WIPI1: variants seen among roughly 807,000 people sequenced by gnomAD.
The protein encoded by WIPI1 is WD repeat domain, phosphoinositide interacting 1, also known as WD repeat domain phosphoinositide-interacting protein 1.
Under a neutral mutation model 55.3 loss-of-function variants are expected in WIPI1, and 45 were observed. That is an observed-to-expected ratio of 0.81 (90% CI 0.64 to 1.04). The LOEUF is 1.04. Ranked by LOEUF, WIPI1 falls within the 50% of genes least tolerant of loss-of-function variation. The probability of loss-of-function intolerance (pLI) is 0.00; values close to 1 mark genes in which losing one functional copy is unlikely to be tolerated. For missense variants in WIPI1, 445 were observed against 559.0 expected (o/e 0.80, Z 2.06); for synonymous variants, 195 against 217.6 (o/e 0.90, Z 0.92).
chr17:68,421,843 G>A, intron 12 of WIPI1, 23 bp from the exon 13 acceptor site: 3 of 1,614,076 alleles, frequency 1.9e-6, no homozygotes, highest in East Asian at 4.5e-5. Flanking sequence ...AAACAGAATG[G>A]CCTTACTCTT....
Position 68,450,612 on chromosome 17 carries a change from C to T in WIPI1, c.333+116G>A, listed in dbSNP as rs985347931. On this transcript the variant is annotated intron_variant, in intron 3 of 12. Coordinates refer to ENST00000262139, the MANE Select transcript of WIPI1 (RefSeq NM_017983.7). ...CCGGGACACGGGGCCTGAGTGTTAA[C>T]ATTCTCATTAGAATTGGAAGCTTGT... 8 of 1,363,608 alleles carry T rather than the reference C, an allele frequency of 5.9e-6. No individual in the cohort carries two copies. In the African/African-American group the frequency reaches 5.9e-5, roughly 10 times the overall value. 84.5% of individuals were successfully genotyped at this position (1,363,608 alleles called of 1,614,324 possible).
intron 3 of WIPI1, among the ~76,000 whole-genome samples, chr17:68,446,656 G>A (rs959059635): frequency 6.6e-6 from 1 of 152,188 alleles, no homozygotes; most frequent in Admixed American, 6.5e-5. Flanking sequence ...TTAGAACTAC[G>A]TGGTTCTATG....
intron 4 of WIPI1, among the ~76,000 whole-genome samples, chr17:68,441,247 T>C (rs2084063673): frequency 6.6e-6 from 1 of 152,138 alleles, no homozygotes; most frequent in Non-Finnish European, 1.5e-5. Flanking sequence ...CAGCCTGCAA[T>C]CTCTGACACA....
chr17:68,428,593 G>C (rs2083359802), intron 10 of WIPI1: 1 of 454,772 alleles, frequency 2.2e-6, no homozygotes, highest in South Asian at 2.2e-5. Flanking sequence ...CATAGGCTGA[G>C]GGGGAGACCA....
intron 4 of WIPI1, chr17:68,440,737 A>C (rs1713277972): frequency 6.6e-6 from 1 of 152,214 alleles, no homozygotes; most frequent in South Asian, 2.1e-4. Context: ...TCAAGAACCA[A>C]TGGCATCATC....
chr17:68,421,918 G>A (rs2082806604), intron 12 of WIPI1, 98 bp from the exon 13 acceptor site: 27 of 1,498,964 alleles, frequency 1.8e-5, no homozygotes, highest in Non-Finnish European at 2.5e-5. Context: ...AGTGAGCAGG[G>A]AGAGGCTGGG....
intron 4 of WIPI1, among the ~76,000 whole-genome samples, chr17:68,436,713 C>G (rs2083809225): frequency 6.6e-6 from 1 of 152,134 alleles, no homozygotes. Flanking sequence ...TACAGTGAAA[C>G]AATGAGACTT....
rs191306252 is a variant in WIPI1 at position 68,430,114 on chromosome 17, A to G, written c.847T>C (p.Phe283Leu). The G allele has an allele frequency of 8.2e-5, 132 of 1,613,898 alleles. No individual in the cohort carries two copies. The highest frequency in any genetic ancestry group is 1.6e-4 in the Middle Eastern group (1 of 6,080). Residue 283 changes from phenylalanine to leucine, a missense_variant, in exon 9 of 13, where the codon TTT (phenylalanine) becomes CTT (leucine). Coordinates refer to ENST00000262139, the MANE Select transcript of WIPI1 (RefSeq NM_017983.7). ...GGGAGGTAGTTGGTAGCAGCCATAA[A>G]CATCTTTCCCATGTAGCCACTCCAG... ...STWSGYMGKM[F>L]MAATNYLPTQ...
chr17:68,454,469 A>G (rs1186960288), intron 1 of WIPI1, among the ~76,000 whole-genome samples: 1 of 152,180 alleles, frequency 6.6e-6, no homozygotes, highest in Non-Finnish European at 1.5e-5. Context: ...GGATAGGGCA[A>G]CTACAGTAAA....
At chr17:68,426,254 G>GGCCCCC in intron 11 of WIPI1, 79 bp from the exon 12 acceptor site, 3 of 816,908 alleles carry the variant, frequency 3.7e-6, no homozygotes, top group East Asian at 3.5e-5. Context: ...GGGAGCGGGG[G>GGCCCCC]CTCAAATAAA....
At position 68,423,466 on chromosome 17, in the gene WIPI1, G is replaced by A. The variant is rs1256375534; in HGVS notation, c.1294-1646C>T. 2.6e-5 allele frequency among the ~76,000 whole-genome samples: 4 copies of A among 152,176 alleles called. No homozygotes were observed. Among genetic ancestry groups the A allele is most frequent in the African/African-American group, 9.7e-5 (4 of 41,446 alleles). On this transcript the variant is annotated intron_variant, in intron 12 of 12. Transcript: ENST00000262139. This position sits in a 1 kb window ranked among gnomAD's most constrained non-coding sequence, Gnocchi z 4.4. ...AGACTGAGAGGTTGGTGGCTGCCAC[G>A]ACACAGCCCTGCACACAGGGGCTGC...
chr17:68,457,024 T>C (rs1409719059), intron 1 of WIPI1, among the ~76,000 whole-genome samples: 3 of 152,216 alleles, frequency 2.0e-5, no homozygotes, highest in East Asian at 3.8e-4. Context: ...CTTTGGTCAC[T>C]GGCTTTCCCA....
At chr17:68,435,572 A>C in intron 6 of WIPI1, 48 bp downstream of exon 6, 2 of 1,577,182 alleles carry the variant, frequency 1.3e-6, no homozygotes, top group Non-Finnish European at 1.7e-6. Flanking sequence ...GCACGGCAGG[A>C]GCCATCCAGC....
intron 12 of WIPI1, chr17:68,422,257 C>T (rs567866477): frequency 5.0e-4 from 81 of 163,050 alleles, no homozygotes; most frequent in Non-Finnish European, 8.2e-4. Context: ...GAAACCCCAT[C>T]GCTACTAAAA....
At position 68,428,917 on chromosome 17, in the gene WIPI1, G is replaced by T; in HGVS notation, c.985C>A (p.Leu329Met). The part of the protein sequence containing the change: ...TLSTIQKLPR[L>M]LVASSSGHLY... ...TGTCCACTGGATGACGCAACTAGCA[G>T]CCGTGGCAACTTCTGGATCCTAAGG... is the stretch of plus-strand genomic sequence containing the variant. Residue 329 changes from leucine (L) to methionine (M), a missense_variant, in exon 10 of 13, where the codon CTG becomes ATG. Coordinates refer to ENST00000262139, the MANE Select transcript of WIPI1 (RefSeq NM_017983.7). 11 of 1,613,992 alleles carry T rather than the reference G, an allele frequency of 6.8e-6. No individual in the cohort carries two copies. The highest frequency in any genetic ancestry group is 9.3e-6 in the Non-Finnish European group (11 of 1,179,948).
intron 4 of WIPI1, among the ~76,000 whole-genome samples, chr17:68,443,617 G>A (rs1244874431): frequency 6.6e-6 from 1 of 152,182 alleles, no homozygotes; most frequent in Non-Finnish European, 1.5e-5. Flanking sequence ...ATTCATAAGG[G>A]AACCAAGGTT....
At position 68,426,994 on chromosome 17, in the gene WIPI1, A is replaced by AGGG. The variant is rs2083237213; in HGVS notation, c.1192+140_1192+141insCCC. 1.8e-5 allele frequency: 12 copies of AGGG among 684,872 alleles called. No individual in the cohort carries two copies. The South Asian group carries it at 2.2e-4, about 12-fold the overall frequency. 42.4% of individuals were successfully genotyped at this position (684,872 alleles called of 1,614,324 possible). Reference sequence around the variant, plus strand: ...AATTCAAGGAGAGCACTCCACCCCCAGGTAACAGTGAAGGGGGAAGGGGAG... The same window carrying AGGG: ...AATTCAAGGAGAGCACTCCACCCCCAGGGGGTAACAGTGAAGGGGGAAGGGGAG... On this transcript the variant is annotated intron_variant, in intron 11 of 12. Coordinates refer to ENST00000262139, the MANE Select transcript of WIPI1 (RefSeq NM_017983.7).
intron 10 of WIPI1, chr17:68,428,514 T>C: frequency 4.3e-6 from 1 of 235,102 alleles, no homozygotes; most frequent in South Asian, 6.0e-5. Context: ...ATTACAGGTG[T>C]GAGCCGCCAC....
intron 3 of WIPI1, 66 bp downstream of exon 3, chr17:68,450,662 T>C (rs2302782): frequency 0.28 from 434,589 of 1,525,504 alleles, 64,183 homozygotes; most frequent in Non-Finnish European, 0.31. Context: ...TCTTGAAAGA[T>C]GTCCATCTTT....
Sources: allele counts gnomAD v4.1 joint callset (sites outside exome capture counted in the v4.1 genomes callset), GRCh38; gene constraint gnomAD v4.1.1; non-coding constraint Gnocchi (gnomAD v3.1); transcripts MANE v1.5; gene names NCBI Gene and HGNC (gene_info 2026-07-23, HGNC 2026-07-21).